Variants in GCNT2 observed in about 807,000 individuals in gnomAD.
GCNT2 encodes the protein N-acetyllactosaminide beta-1,6-N-acetylglucosaminyl-transferase.
Under a neutral mutation model 34.2 loss-of-function variants are expected in GCNT2, and 34 were observed. The ratio of observed to expected loss-of-function variants is 1.00; its 90% CI spans 0.76 to 1.32. The LOEUF (loss-of-function observed/expected upper bound fraction) is 1.32, where lower values mean the gene tolerates loss of function less well. GCNT2 is among the 40% of genes most tolerant of loss of function. The pLI is 0.00. For missense variants in GCNT2, 584 were observed against 489.4 expected, an observed-to-expected ratio of 1.19 and a Z score of -1.82; for synonymous variants, 212 against 188.0, an observed-to-expected ratio of 1.13 and a Z score of -1.04.
At chr6:10,583,294 G>A (rs772791853) in intron 3 of GCNT2, among the ~76,000 whole-genome samples, 17 of 152,146 alleles carry the variant, frequency 1.1e-4, no homozygotes, top group Non-Finnish European at 2.4e-4. Context: ...GGAGCAGAGA[G>A]GGGGCAGGGA....
In GCNT2 at chr6:10,614,992, C is replaced by T. The variant is rs186247895; in HGVS notation, c.926-6359C>T. Among the ~76,000 whole-genome samples, 25 of 152,182 alleles carry T rather than the reference C, an allele frequency of 1.6e-4. No homozygotes were observed. In the East Asian group the frequency reaches 3.7e-3, roughly 22 times the overall value. On this transcript the variant is annotated intron_variant, in intron 3 of 4. Transcript: ENST00000495262. The stretch of plus-strand genomic sequence containing the variant: ...CTTCAAGGAGGTGATGTGAGAGATC[C>T]GTTAAAATGCATATATTCCTAGCAG...
At chr6:10,595,183 G>C (rs140682065) in intron 3 of GCNT2, among the ~76,000 whole-genome samples, 5 of 152,184 alleles carry the variant, frequency 3.3e-5, no homozygotes, top group Admixed American at 6.5e-5. Context: ...TTAGAAGAGT[G>C]TTTCCTTAAA....
At chr6:10,542,893 CTT>C (rs869251646) in intron 3 of GCNT2, among the ~76,000 whole-genome samples, 9 of 82,244 alleles carry the variant, frequency 1.1e-4, no homozygotes, top group South Asian at 4.4e-4. Context: ...TATGTTAATT[CTT>C]TTTTTTTTTT....
chr6:10,540,621 G>A (rs556018827), intron 3 of GCNT2, among the ~76,000 whole-genome samples: 1 of 152,208 alleles, frequency 6.6e-6, no homozygotes, highest in East Asian at 1.9e-4. Flanking sequence ...CTTTTATCCA[G>A]CTTCATCACT....
At chr6:10,535,415 T>G (rs569242753) in intron 3 of GCNT2, among the ~76,000 whole-genome samples, 1 of 152,338 alleles carries the variant, frequency 6.6e-6, no homozygotes, top group Admixed American at 6.5e-5. Context: ...TCTTTTACCC[T>G]TAATCTGGTC....
chr6:10,603,490 CAG>C (rs1368909465), intron 3 of GCNT2, among the ~76,000 whole-genome samples: 16 of 152,166 alleles, frequency 1.1e-4, no homozygotes, highest in African/African-American at 3.1e-4. Context: ...CAGATGCAGA[CAG>C]GGGAGGGAAA....
In GCNT2 at chr6:10,529,661, A is replaced by G. The variant is rs1236503266; in HGVS notation, c.750A>G (p.Leu250=). ...KNSYVIKTTK[L]KTPPPHDMVI... is the part of the protein sequence containing the mutation. ...CCTACGTGATTAAAACAACAAAATT[A>G]AAAACTCCTCCTCCTCATGACATGG... The change falls in exon 3 of 5, where the codon TTA becomes TTG. Residue 250 remains leucine (L), a synonymous_variant. Coordinates refer to ENST00000495262, the MANE Select transcript of GCNT2 (RefSeq NM_145649.5). 7.4e-6 allele frequency: 12 copies of G among 1,613,960 alleles called. No individual in the cohort carries two copies. The highest frequency in any genetic ancestry group is 1.3e-5 in the African/African-American group (1 of 74,882).
At chr6:10,562,166 A>G (rs1692550128) in intron 3 of GCNT2, among the ~76,000 whole-genome samples, 2 of 152,252 alleles carry the variant, frequency 1.3e-5, no homozygotes, top group South Asian at 4.1e-4. Flanking sequence ...GGGGAGACCA[A>G]CTGTCCCAGT....
intron 3 of GCNT2, among the ~76,000 whole-genome samples, chr6:10,561,053 G>A (rs1348832884): frequency 2.6e-5 from 4 of 152,150 alleles, no homozygotes; most frequent in Admixed American, 6.5e-5. Context: ...TCTGACTTCC[G>A]GTACACCCTT....
chr6:10,529,669 C>T lies in GCNT2; in HGVS notation c.758C>T (p.Pro253Leu). Reference sequence around the variant, plus strand: ...ATTAAAACAACAAAATTAAAAACTCCTCCTCCTCATGACATGGTGATTTAC... The same window carrying T: ...ATTAAAACAACAAAATTAAAAACTCTTCCTCCTCATGACATGGTGATTTAC... ...YVIKTTKLKT[P>L]PPHDMVIYFG... is the part of the protein sequence containing the mutation. Residue 253 changes from proline to leucine, a missense_variant, in exon 3 of 5, where the codon CCT becomes CTT. Pro to Leu is a moderately conservative substitution (Grantham distance 98, BLOSUM62 -3). Transcript: ENST00000495262. 6.2e-7 allele frequency: 1 copy of T among 1,613,968 alleles called. No individual in the cohort carries two copies. The highest frequency in any genetic ancestry group is 8.5e-7 in the Non-Finnish European group (1 of 1,179,978).
intron 3 of GCNT2, among the ~76,000 whole-genome samples, chr6:10,565,625 C>A (rs1021537271): frequency 2.6e-5 from 4 of 152,174 alleles, no homozygotes; most frequent in African/African-American, 9.7e-5. Context: ...GCTGGCCTGC[C>A]CGTTGCCTTT....
chr6:10,530,116 C>T (rs759532621), intron 3 of GCNT2: 4 of 338,036 alleles, frequency 1.2e-5, no homozygotes, highest in Non-Finnish European at 1.7e-5. Flanking sequence ...AATCACAGCA[C>T]TTTGGGAGGC....
At chr6:10,590,485 A>T (rs1248312004) in intron 3 of GCNT2, among the ~76,000 whole-genome samples, 1 of 150,084 alleles carries the variant, frequency 6.7e-6, no homozygotes, top group African/African-American at 2.5e-5. Flanking sequence ...CTCTACCCTC[A>T]TTTCTCTTTA....
At position 10,531,895 on chromosome 6, in the gene GCNT2, A is replaced by T. The variant is rs1428915615; in HGVS notation, c.925+2059A>T. The stretch of plus-strand genomic sequence containing the variant: ...CCCACTTTTTTTTTTTTTTTTTTTT[A>T]GAGAAGACCAAGACAAAGAAAAAGG... On this transcript the variant is annotated intron_variant, in intron 3 of 4. Transcript: ENST00000495262. Among the ~76,000 whole-genome samples the T allele has an allele frequency of 6.6e-4, 49 of 73,984 alleles. No individual in the cohort carries two copies. The South Asian group carries it at 0.019, about 28-fold the overall frequency. The allele number at this position is 73,984 out of a possible 152,430, so 48.5% of individuals were successfully genotyped here. A position where few individuals can be genotyped will look rare whatever the true frequency, so the allele number is the denominator to read the frequency against.
chr6:10,546,879 ATAACAT>A (rs1762297406), intron 3 of GCNT2, among the ~76,000 whole-genome samples: 1 of 152,176 alleles, frequency 6.6e-6, no homozygotes, highest in Non-Finnish European at 1.5e-5. Context: ...TTTTCCAGAG[ATAACAT>A]TAATAATATG....
intron 3 of GCNT2, among the ~76,000 whole-genome samples, chr6:10,566,182 C>CTTT (rs761874338): frequency 3.9e-4 from 56 of 144,402 alleles, no homozygotes; most frequent in African/African-American, 1.4e-3. Context: ...TTGATGTGTG[C>CTTT]TTTTTTTTTT....
At chr6:10,554,143 T>G (rs907170037) in intron 3 of GCNT2, among the ~76,000 whole-genome samples, 1 of 152,090 alleles carries the variant, frequency 6.6e-6, no homozygotes, top group African/African-American at 2.4e-5. Flanking sequence ...AGCAAAAAAG[T>G]GCATGGTGTC....
At chr6:10,553,577 AC>A (rs1218985130) in intron 3 of GCNT2, among the ~76,000 whole-genome samples, 1 of 152,188 alleles carries the variant, frequency 6.6e-6, no homozygotes, top group African/African-American at 2.4e-5. Context: ...GCTATGTTCT[AC>A]ATATCATCCT....
intron 3 of GCNT2, among the ~76,000 whole-genome samples, chr6:10,568,238 G>A (rs752056499): frequency 5.3e-5 from 8 of 151,742 alleles, no homozygotes; most frequent in Non-Finnish European, 1.0e-4. Context: ...ATCTCTTCTC[G>A]AAGCTTCCAC....
Sources: gnomAD v4.1 joint callset for allele counts (sites outside exome capture counted in the v4.1 genomes callset) on GRCh38, gnomAD v4.1.1 for gene constraint, MANE v1.5 for transcripts, NCBI Gene and HGNC (gene_info 2026-07-23, HGNC 2026-07-21) for gene names.